The following TIMP3 variants were observed in gnomAD, a reference collection of about 807,000 sequenced individuals.
TIMP3 encodes TIMP metallopeptidase inhibitor 3.
In TIMP3, 11 loss-of-function variants were observed where a neutral mutation model predicts 30.0. The observed-to-expected ratio is 0.37, with a 90% confidence interval of 0.23 to 0.61. The LOEUF is 0.61. Among genes scored for constraint, TIMP3 ranks in the 20% least tolerant of loss-of-function variants. The pLI is 0.70. For synonymous variants in TIMP3, 112 were observed against 111.3 expected (o/e 1.01, Z -0.04); for missense variants, 181 against 276.8 (o/e 0.65, Z 2.45).
intron 1 of TIMP3, among the ~76,000 whole-genome samples, chr22:32,815,470 A>G (rs1181165696): frequency 1.3e-5 from 2 of 152,196 alleles, no homozygotes; most frequent in Non-Finnish European, 2.9e-5. Flanking sequence ...ATATGCCAAG[A>G]CCTTTTAAAG....
chr22:32,851,682 C>G (rs1403594595), intron 2 of TIMP3, among the ~76,000 whole-genome samples: 1 of 152,166 alleles, frequency 6.6e-6, no homozygotes, highest in Non-Finnish European at 1.5e-5. Context: ...AAGGGCAGAT[C>G]TGATCCCCAA....
chr22:32,842,877 T>A (rs969567571), intron 1 of TIMP3, among the ~76,000 whole-genome samples: 1 of 152,146 alleles, frequency 6.6e-6, no homozygotes, highest in Admixed American at 6.5e-5. Flanking sequence ...GTGTAAGTGA[T>A]TGGGAAGGGT....
chr22:32,832,467 A>G (rs545771347), intron 1 of TIMP3, among the ~76,000 whole-genome samples: 1 of 152,264 alleles, frequency 6.6e-6, no homozygotes, highest in South Asian at 2.1e-4. Context: ...AAAAAAACAG[A>G]AAGAGTATCT....
At chr22:32,827,990 C>G (rs1187149732) in intron 1 of TIMP3, among the ~76,000 whole-genome samples, 2 of 152,180 alleles carry the variant, frequency 1.3e-5, no homozygotes, top group African/African-American at 2.4e-5. Flanking sequence ...TGTCTATTCC[C>G]CTTTGCCTCC....
intron 1 of TIMP3, among the ~76,000 whole-genome samples, chr22:32,827,725 G>A (rs2047454636): frequency 6.6e-6 from 1 of 152,200 alleles, no homozygotes; most frequent in African/African-American, 2.4e-5. Context: ...TCCTCAAGAA[G>A]CTCTAGAAGT....
intron 1 of TIMP3, among the ~76,000 whole-genome samples, chr22:32,830,773 G>T (rs1027520318): frequency 6.6e-6 from 1 of 152,140 alleles, no homozygotes; most frequent in Non-Finnish European, 1.5e-5. Context: ...GACCGTGAGT[G>T]TATCCGCCTC....
intron 2 of TIMP3, among the ~76,000 whole-genome samples, chr22:32,851,260 G>A (rs941379847): frequency 1.3e-5 from 2 of 152,142 alleles, no homozygotes; most frequent in African/African-American, 2.4e-5. Context: ...TCCTCATTAC[G>A]AGACACTCGG....
chr22:32,810,599 A>G (rs1055897966), intron 1 of TIMP3, among the ~76,000 whole-genome samples: 1 of 152,128 alleles, frequency 6.6e-6, no homozygotes, highest in East Asian at 1.9e-4. Context: ...CCGGAACTAG[A>G]GATCTTAAAT....
intron 1 of TIMP3, among the ~76,000 whole-genome samples, chr22:32,840,652 C>T (rs968047310): frequency 6.6e-6 from 1 of 152,120 alleles, no homozygotes; most frequent in African/African-American, 2.4e-5. Context: ...CCTCCGCCCC[C>T]CACCCAGATC....
intron 1 of TIMP3, among the ~76,000 whole-genome samples, chr22:32,830,530 A>G (rs1304968206): frequency 6.6e-6 from 1 of 152,160 alleles, no homozygotes; most frequent in Non-Finnish European, 1.5e-5. Context: ...CTGGAACGGA[A>G]GCTCTTGGGA....
At chr22:32,854,561 C>G (rs1019463568) in intron 2 of TIMP3, among the ~76,000 whole-genome samples, 1 of 152,174 alleles carries the variant, frequency 6.6e-6, no homozygotes, top group African/African-American at 2.4e-5. Context: ...TAAGAAGTTG[C>G]TCGGCACAGA....
At chr22:32,832,777 G>C (rs1412725454) in intron 1 of TIMP3, among the ~76,000 whole-genome samples, 1 of 151,904 alleles carries the variant, frequency 6.6e-6, no homozygotes, top group Non-Finnish European at 1.5e-5. Context: ...CGTTCAGCTG[G>C]AGTGCAGTGG....
At chr22:32,828,212 C>T (rs1297785601) in intron 1 of TIMP3, among the ~76,000 whole-genome samples, 1 of 152,180 alleles carries the variant, frequency 6.6e-6, no homozygotes, top group African/African-American at 2.4e-5. Context: ...CCCTGGTTTC[C>T]CAGCTAGTGA....
At chr22:32,803,528 C>A (rs1170201989) in intron 1 of TIMP3, among the ~76,000 whole-genome samples, 1 of 152,144 alleles carries the variant, frequency 6.6e-6, no homozygotes, top group African/African-American at 2.4e-5. Flanking sequence ...ACATCCTCCC[C>A]TCTCCTGGGG....
In TIMP3 at chr22:32,821,707, G is replaced by T. The variant is rs2047251236; in HGVS notation, c.121+19585G>T. Among the ~76,000 whole-genome samples the T allele has an allele frequency of 2.0e-5, 3 of 152,300 alleles. No individual in the cohort carries two copies. In the South Asian group the frequency reaches 6.2e-4, roughly 32 times the overall value. On this transcript the variant is annotated intron_variant, in intron 1 of 4. Transcript: ENST00000266085. ...GAGTGGGGGAAAGCAGCTTCCAGGG[G>T]GTGGATTCCTGAACCAGGTATTTGT...
rs56331034 is a variant in TIMP3 at position 32,847,020 on chromosome 22, C to A, written c.122-2432C>A. 3.9e-3 allele frequency among the ~76,000 whole-genome samples: 592 copies of A among 152,290 alleles called. 3 individuals are homozygous for A. Among genetic ancestry groups the A allele is most frequent in the Non-Finnish European group, 7.1e-3 (483 of 68,026 alleles). Reference sequence around the variant, plus strand: ...GTGACATCTTCTGTCTAAATCAAGTCAAGCCATTTTTGAACCAGGATGTTG... The same window carrying A: ...GTGACATCTTCTGTCTAAATCAAGTAAAGCCATTTTTGAACCAGGATGTTG... On this transcript the variant is annotated intron_variant, in intron 1 of 4. Transcript: ENST00000266085.
chr22:32,831,855 C>A (rs984953160), intron 1 of TIMP3, among the ~76,000 whole-genome samples: 8 of 152,152 alleles, frequency 5.3e-5, no homozygotes, highest in African/African-American at 1.9e-4. Flanking sequence ...GCACCCCCCC[C>A]AACCTCCACC....
intron 1 of TIMP3, among the ~76,000 whole-genome samples, chr22:32,821,954 G>A (rs184611214): frequency 3.3e-4 from 50 of 152,160 alleles, no homozygotes; most frequent in Non-Finnish European, 5.4e-4. Flanking sequence ...TCGGGAGTTC[G>A]AGACCAGCCT....
intron 1 of TIMP3, among the ~76,000 whole-genome samples, chr22:32,835,166 G>A (rs1436593613): frequency 1.3e-5 from 2 of 152,214 alleles, no homozygotes; most frequent in Admixed American, 6.5e-5. Context: ...CTGGGTGACA[G>A]AGTGCACAGT....
Sources: allele counts gnomAD v4.1 joint callset (sites outside exome capture counted in the v4.1 genomes callset), GRCh38; gene constraint gnomAD v4.1.1; transcripts MANE v1.5; gene names NCBI Gene and HGNC (gene_info 2026-07-23, HGNC 2026-07-21).